Variants in GCSAML observed in about 807,000 individuals in gnomAD.
GCSAML encodes germinal center associated signaling and motility like.
In GCSAML, 9 loss-of-function variants were observed where a neutral mutation model predicts 13.0. The observed-to-expected ratio is 0.69, with a 90% CI of 0.42 to 1.21. The LOEUF (loss-of-function observed/expected upper bound fraction) is 1.21. Among genes scored for constraint, GCSAML ranks in the 50% most tolerant of loss-of-function variants. The pLI, the probability that GCSAML is intolerant of heterozygous loss-of-function variation, is 0.00. For synonymous variants in GCSAML, 37 were observed against 52.9 expected, an observed-to-expected ratio of 0.70 and a Z score of 1.31; for missense variants, 143 against 153.4, an observed-to-expected ratio of 0.93 and a Z score of 0.36.
At chr1:247,543,829 A>T (rs537904046) in intron 2 of GCSAML, among the ~76,000 whole-genome samples, 1 of 151,560 alleles carries the variant, frequency 6.6e-6, no homozygotes, top group African/African-American at 2.4e-5. Context: ...TCACTCTGTC[A>T]CCCAGGCTGG....
chr1:247,523,564 A>C (rs549265806), intron 1 of GCSAML, among the ~76,000 whole-genome samples: 1 of 152,348 alleles, frequency 6.6e-6, no homozygotes, highest in Non-Finnish European at 1.5e-5. Flanking sequence ...CATTATCCAC[A>C]TGGAAGTCTT....
chr1:247,556,587 C>A (rs1667960129), intron 2 of GCSAML, 121 bp downstream of exon 2: 2 of 634,024 alleles, frequency 3.2e-6, no homozygotes, highest in Non-Finnish European at 5.5e-6. Flanking sequence ...TAATAGAGTT[C>A]TTTGGTGATT....
intron 2 of GCSAML, among the ~76,000 whole-genome samples, chr1:247,537,693 G>T (rs1028155184): frequency 6.6e-6 from 1 of 151,240 alleles, no homozygotes; most frequent in Admixed American, 6.6e-5. Context: ...TATGGCCATC[G>T]TAGTGGATAC....
Position 247,563,115 on chromosome 1 carries a change from TG to T in GCSAML, c.90-472del, listed in dbSNP as rs549549763. Among the ~76,000 whole-genome samples the T allele has an allele frequency of 3.3e-4, 50 of 152,084 alleles. 1 individual carries two copies. Among genetic ancestry groups the T allele is most frequent in the African/African-American group, 9.9e-4 (41 of 41,482 alleles). On this transcript the variant is annotated intron_variant, in intron 2 of 4. Transcript: ENST00000366488. ...TGCCCGCCTTGGCCTCCCAAAGTGC[TG>T]GGATCACAGGCATAAGCCATCCCAC...
chr1:247,557,901 C>T (rs777742462), intron 2 of GCSAML, among the ~76,000 whole-genome samples: 4 of 152,208 alleles, frequency 2.6e-5, no homozygotes, highest in Non-Finnish European at 4.4e-5. Context: ...TCCCATTAGG[C>T]ATTTAACTTA....
At chr1:247,531,696 G>C in intron 2 of GCSAML, 1 of 1,614,160 alleles carries the variant, frequency 6.2e-7, no homozygotes, top group Non-Finnish European at 8.5e-7. Context: ...CTATGAACTT[G>C]CCCTGCTCAT....
intron 1 of GCSAML, among the ~76,000 whole-genome samples, chr1:247,550,429 A>T (rs1667728287): frequency 6.6e-6 from 1 of 152,114 alleles, no homozygotes; most frequent in African/African-American, 2.4e-5. Flanking sequence ...CGAGGTCAGG[A>T]GATCGAGACC....
chr1:247,559,909 A>G (rs1405999240), intron 2 of GCSAML, among the ~76,000 whole-genome samples: 1 of 152,152 alleles, frequency 6.6e-6, no homozygotes, highest in Admixed American at 6.5e-5. Flanking sequence ...TAATTTAATT[A>G]CCTGTGTTAA....
chr1:247,563,621 C>T lies in GCSAML; in HGVS notation c.121C>T (p.Gln41Ter), dbSNP rs768574277. Residue 41 changes from glutamine to a stop codon, truncating the protein, a stop_gained, in exon 3 of 5, where the codon CAA (glutamine) becomes TAA (stop). Coordinates refer to ENST00000366488, the MANE Select transcript of GCSAML (RefSeq NM_145278.5). LOFTEE classifies it low-confidence loss of function (END_TRUNC). ...AATGACTACATTTGAAAGAAAACTT[C>T]AAGATCAAGATAAGAAAAGTAAGTC... ...QEMTTFERKL[Q>*]DQDKKSQEVS... 3 of 1,579,546 alleles carry T rather than the reference C, an allele frequency of 1.9e-6. No homozygotes were observed.
At chr1:247,514,155 G>T (rs1201928708) in intron 1 of GCSAML, among the ~76,000 whole-genome samples, 1 of 152,022 alleles carries the variant, frequency 6.6e-6, no homozygotes, top group East Asian at 1.9e-4. Flanking sequence ...TAATTTTTGT[G>T]TTTTTCGTAG....
intron 1 of GCSAML, among the ~76,000 whole-genome samples, chr1:247,510,316 G>A (rs1665985249): frequency 6.6e-6 from 1 of 152,112 alleles, no homozygotes; most frequent in African/African-American, 2.4e-5. Flanking sequence ...TTCTCTGATG[G>A]TAGTTTGTGG....
intron 2 of GCSAML, among the ~76,000 whole-genome samples, chr1:247,540,336 C>T (rs926882949): frequency 2.0e-5 from 3 of 152,172 alleles, no homozygotes; most frequent in Non-Finnish European, 2.9e-5. Flanking sequence ...CAGCCAGTTT[C>T]CATCTCTTAA....
intron 1 of GCSAML, chr1:247,525,687 C>A (rs1229737713): frequency 6.6e-6 from 1 of 152,228 alleles, no homozygotes; most frequent in African/African-American, 2.4e-5. Context: ...ATGGAGGCAT[C>A]ATTCTGTAGG....
intron 4 of GCSAML, among the ~76,000 whole-genome samples, chr1:247,570,440 A>G (rs922691792): frequency 6.6e-6 from 1 of 152,068 alleles, no homozygotes; most frequent in African/African-American, 2.4e-5. Flanking sequence ...GAACATCTTT[A>G]TTTCTGCCTA....
chr1:247,564,392 A>AAG (rs1553307526), intron 3 of GCSAML, among the ~76,000 whole-genome samples: 54 of 151,664 alleles, frequency 3.6e-4, no homozygotes, highest in Non-Finnish European at 6.2e-4. Context: ...TAAAAAAAAA[A>AAG]AAAAAAAAGA....
intron 2 of GCSAML, among the ~76,000 whole-genome samples, chr1:247,558,481 C>T (rs1201693052): frequency 6.6e-6 from 1 of 152,144 alleles, no homozygotes; most frequent in African/African-American, 2.4e-5. Flanking sequence ...CATACTCAGT[C>T]ATGTAGTCAC....
rs746686323 is a variant in GCSAML at position 247,532,380 on chromosome 1, G to A, written c.-148+5326G>A. The A allele has an allele frequency of 1.9e-6, 3 of 1,614,142 alleles. No individual in the cohort carries two copies. In the East Asian group the frequency reaches 6.7e-5, roughly 36 times the overall value. On this transcript the variant is annotated intron_variant, in intron 2 of 5. Transcript: ENST00000366489. ...CTGTATGGGAGACCAGAATGATGAT[G>A]CCATTGCCCAAGATCGATACCATGT...
chr1:247,565,926 T>A lies in GCSAML; in HGVS notation c.140-5T>A. The stretch of plus-strand genomic sequence containing the variant: ...TTTCTTTTTTTTTTTTTTTTAATTC[T>A]CCAGGCCAAGAAGTTTCATCCACTT... On this transcript the variant is annotated splice_polypyrimidine_tract_variant and splice_region_variant and intron_variant, in intron 3 of 4. Transcript: ENST00000366488. 6.5e-7 allele frequency: 1 copy of A among 1,547,882 alleles called. No individual in the cohort carries two copies. The highest frequency in any genetic ancestry group is 1.4e-5 in the African/African-American group (1 of 71,140).
At chr1:247,569,182 T>A (rs1431587869) in intron 4 of GCSAML, among the ~76,000 whole-genome samples, 2 of 152,170 alleles carry the variant, frequency 1.3e-5, no homozygotes, top group African/African-American at 4.8e-5. Flanking sequence ...CTCTTCCTAT[T>A]TGAATACCCT....
Sources: gnomAD v4.1 joint callset for allele counts (sites outside exome capture counted in the v4.1 genomes callset) on GRCh38, gnomAD v4.1.1 for gene constraint, MANE v1.5 for transcripts, NCBI Gene and HGNC (gene_info 2026-07-23, HGNC 2026-07-21) for gene names.